MTO1: variants seen among roughly 807,000 people sequenced by gnomAD.
The protein encoded by MTO1 is mitochondrial tRNA translation optimization 1, also known as 5-taurinomethyluridine-[tRNA] synthase subunit MTO1, mitochondrial.
MTO1 carries 46 observed loss-of-function variants against 71.6 expected under a neutral mutation model. That is an observed-to-expected ratio of 0.64 (90% CI 0.51 to 0.82). The LOEUF (loss-of-function observed/expected upper bound fraction) is 0.82, where lower values mean the gene tolerates loss of function less well. Among genes scored for constraint, MTO1 ranks in the 40% least tolerant of loss-of-function variants. MTO1 has a pLI of 0.00. For missense variants in MTO1, 773 were observed against 867.5 expected, an observed-to-expected ratio of 0.89 and a Z score of 1.37; for synonymous variants, 297 against 312.1, an observed-to-expected ratio of 0.95 and a Z score of 0.51.
intron 4 of MTO1, among the ~76,000 whole-genome samples, chr6:73,475,013 C>A (rs1319944232): frequency 6.6e-6 from 1 of 152,062 alleles, no homozygotes; most frequent in Non-Finnish European, 1.5e-5. Context: ...CCTCAGCCTC[C>A]CAAAGTGCTA....
chr6:73,477,324 A>G (rs1771353614), intron 4 of MTO1, among the ~76,000 whole-genome samples: 1 of 135,826 alleles, frequency 7.4e-6, no homozygotes, highest in African/African-American at 2.7e-5. Flanking sequence ...TGAACCAGGG[A>G]TGGGGAGGTT....
At chr6:73,470,075 A>G (rs1771106201) in intron 3 of MTO1, among the ~76,000 whole-genome samples, 1 of 152,228 alleles carries the variant, frequency 6.6e-6, no homozygotes, top group South Asian at 2.1e-4. Flanking sequence ...GTTAGTTCTC[A>G]GAAGAATCAG....
intron 8 of MTO1, 83 bp from the exon 9 acceptor site, chr6:73,482,366 C>A: frequency 6.5e-7 from 1 of 1,537,266 alleles, no homozygotes; most frequent in Non-Finnish European, 8.9e-7. Flanking sequence ...CTAGCCTGGG[C>A]AACATAGTGA....
intron 1 of MTO1, 102 bp downstream of exon 1, chr6:73,462,173 A>G (rs1326800872): frequency 2.4e-6 from 3 of 1,275,130 alleles, no homozygotes; most frequent in Non-Finnish European, 3.3e-6. Context: ...CCTCAAAGCT[A>G]GTGAGAATCC....
intron 3 of MTO1, among the ~76,000 whole-genome samples, chr6:73,473,122 A>G (rs1771197270): frequency 6.6e-6 from 1 of 152,168 alleles, no homozygotes; most frequent in African/African-American, 2.4e-5. Flanking sequence ...TCTACTAAAA[A>G]TATAAAACTA....
In MTO1 at chr6:73,477,393, CAAA is replaced by C. The variant is rs34672070; in HGVS notation, c.826-2319_826-2317del. ...CCTGGGCAACAGCAAGACTATGTCT[CAAA>C]AAAAAAAAAAAAAAAAAAAGAAATT... On this transcript the variant is annotated intron_variant, in intron 4 of 11. Coordinates refer to ENST00000498286, the MANE Select transcript of MTO1 (RefSeq NM_012123.4). 5.3e-3 allele frequency among the ~76,000 whole-genome samples: 390 copies of C among 73,182 alleles called. 4 individuals are homozygous for C. The highest frequency in any genetic ancestry group is 0.016 in the African/African-American group (306 of 19,044). 48.0% of individuals were successfully genotyped at this position (73,182 alleles called of 152,430 possible).
At chr6:73,490,796 G>A (rs892829651) in intron 9 of MTO1, among the ~76,000 whole-genome samples, 9 of 151,666 alleles carry the variant, frequency 5.9e-5, no homozygotes, top group Non-Finnish European at 1.2e-4. Flanking sequence ...AATGAAGTAA[G>A]TAATAATTAA....
At chr6:73,483,965 G>A (rs1039733445) in intron 9 of MTO1, among the ~76,000 whole-genome samples, 2 of 151,898 alleles carry the variant, frequency 1.3e-5, no homozygotes, top group Non-Finnish European at 2.9e-5. Context: ...TTTTAGTAGA[G>A]ACAGGGTTTC....
chr6:73,465,570 A>C (rs1009743445), intron 1 of MTO1, among the ~76,000 whole-genome samples: 7 of 152,190 alleles, frequency 4.6e-5, no homozygotes, highest in Admixed American at 4.6e-4. Flanking sequence ...TGTATCAAAA[A>C]AGAACAAATT....
rs1480218256 is a variant in MTO1 at position 73,466,387 on chromosome 6, A to G, written c.396A>G (p.Lys132=). 6.2e-7 allele frequency: 1 copy of G among 1,614,112 alleles called. No individual in the cohort carries two copies. ...GTCTGAGAGCTCAGATTGATAGGAA[A>G]CTCTATAAACAGAACATGCAGGTAA... ...VWGLRAQIDR[K]LYKQNMQKEI... is the part of the protein sequence containing the mutation. The change falls in exon 2 of 12, where the codon AAA becomes AAG. Residue 132 remains lysine (K), a synonymous_variant. Transcript: ENST00000498286.
chr6:73,468,615 T>G (rs549528672), intron 3 of MTO1, among the ~76,000 whole-genome samples: 3 of 151,970 alleles, frequency 2.0e-5, no homozygotes, highest in Non-Finnish European at 2.9e-5. Flanking sequence ...TTTATTTTAT[T>G]TATTTATTTT....
In MTO1 at chr6:73,501,399, A is replaced by T. The variant is rs528536619; in HGVS notation, c.*664A>T. 1.3e-5 allele frequency: 2 copies of T among 152,204 alleles called. No individual in the cohort carries two copies. Among genetic ancestry groups the T allele is most frequent in the Non-Finnish European group, 2.9e-5 (2 of 68,042 alleles). The allele number at this position is 152,204 out of a possible 1,614,324, so 9.4% of individuals were successfully genotyped here. ...TGGATACTTATTTGGTGACCTAGTT[A>T]TGGGAGAATTGAGTAACGTTAGTTA... On this transcript the variant is annotated 3_prime_UTR_variant, in exon 12 of 12. Transcript: ENST00000498286.
chr6:73,494,656 T>C (rs954672976), intron 10 of MTO1, among the ~76,000 whole-genome samples: 1 of 151,656 alleles, frequency 6.6e-6, no homozygotes, highest in Admixed American at 6.6e-5. Context: ...TTTTTATTTT[T>C]AGTAGAGACG....
At chr6:73,499,994 G>A (rs968325476) in intron 11 of MTO1, among the ~76,000 whole-genome samples, 1 of 152,128 alleles carries the variant, frequency 6.6e-6, no homozygotes, top group African/African-American at 2.4e-5. Flanking sequence ...TGGCTTCAAG[G>A]ATTTCATTTC....
chr6:73,468,535 G>A (rs1414537806), intron 3 of MTO1, among the ~76,000 whole-genome samples: 1 of 151,930 alleles, frequency 6.6e-6, no homozygotes, highest in East Asian at 1.9e-4. Flanking sequence ...ACTAAGTATT[G>A]TTTACTGCAT....
rs958395740 is a variant in MTO1, at chr6:73,477,650, G to A, written c.826-2082G>A. 2.6e-4 allele frequency among the ~76,000 whole-genome samples: 40 copies of A among 151,390 alleles called. 1 individual carries two copies. Among genetic ancestry groups the A allele is most frequent in the Admixed American group, 2.1e-3 (32 of 15,134 alleles). ...GCCTCCCAAGTAGCTGCGACCACAG[G>A]TGCTCACCACCATGGCTGGCTACTT... On this transcript the variant is annotated intron_variant, in intron 4 of 11. Transcript: ENST00000498286.
At chr6:73,468,789 G>C (rs947909115) in intron 3 of MTO1, among the ~76,000 whole-genome samples, 5 of 151,732 alleles carry the variant, frequency 3.3e-5, no homozygotes, top group Admixed American at 2.6e-4. Context: ...TGTGTTTTTA[G>C]TGGAGACAGG....
intron 3 of MTO1, chr6:73,471,609 G>T (rs1416681814): frequency 3.3e-6 from 1 of 298,926 alleles, no homozygotes; most frequent in East Asian, 1.1e-4. Context: ...TAGAGATGGG[G>T]GTCTCACTAT....
At chr6:73,464,973 G>C (rs945558177) in intron 1 of MTO1, among the ~76,000 whole-genome samples, 10 of 151,596 alleles carry the variant, frequency 6.6e-5, no homozygotes, top group African/African-American at 2.4e-4. Flanking sequence ...CATGGGTTTA[G>C]ACCTCCAGGT....
Sources: gnomAD v4.1 joint callset for allele counts (sites outside exome capture counted in the v4.1 genomes callset) on GRCh38, gnomAD v4.1.1 for gene constraint, MANE v1.5 for transcripts, NCBI Gene and HGNC (gene_info 2026-07-23, HGNC 2026-07-21) for gene names.